The following ATP2B2 variants were observed in gnomAD, a reference collection of about 807,000 sequenced individuals.
ATP2B2 encodes the protein ATPase plasma membrane Ca2+ transporting 2, also known as plasma membrane calcium-transporting ATPase 2.
In ATP2B2, 15 loss-of-function variants were observed where a neutral mutation model predicts 120.0. That is an observed-to-expected ratio of 0.12 (90% CI 0.08 to 0.19). ATP2B2 has a LOEUF of 0.19. ATP2B2 is among the 10% of genes least tolerant of loss of function. ATP2B2 has a pLI of 1.00. For synonymous variants in ATP2B2, 694 were observed against 700.3 expected (o/e 0.99, Z 0.14); for missense variants, 1,045 against 1,719.8 (o/e 0.61, Z 6.94).
At chr3:10,513,288 C>T (rs1225821953) in intron 3 of ATP2B2, among the ~76,000 whole-genome samples, 1 of 152,004 alleles carries the variant, frequency 6.6e-6, no homozygotes, top group Admixed American at 6.6e-5. Flanking sequence ...GGCAGTGTTG[C>T]CGACAAAGGG....
intron 1 of ATP2B2, among the ~76,000 whole-genome samples, chr3:10,457,557 CGT>C (rs751958093): frequency 5.6e-4 from 28 of 49,910 alleles, no homozygotes; most frequent in South Asian, 1.2e-3. Flanking sequence ...CATGAGTGTG[CGT>C]GTGTGTGTGT....
At chr3:10,631,923 A>G (rs990930512) in intron 1 of ATP2B2, among the ~76,000 whole-genome samples, 4 of 152,240 alleles carry the variant, frequency 2.6e-5, no homozygotes, top group Non-Finnish European at 5.9e-5. Flanking sequence ...AGTTGCTACC[A>G]AAGATGAACT....
chr3:10,451,122 T>C (rs1004436220), intron 1 of ATP2B2, among the ~76,000 whole-genome samples: 10 of 152,320 alleles, frequency 6.6e-5, no homozygotes, highest in Admixed American at 2.0e-4. Context: ...AGCCGGGAAC[T>C]TGAAGCTCAG....
rs1390532225 is a variant in ATP2B2 at position 10,635,585 on chromosome 3, G to C, written c.-459-15624C>G. Among the ~76,000 whole-genome samples the C allele has an allele frequency of 6.6e-6, 1 of 152,156 alleles. No homozygotes were observed. On this transcript the variant is annotated intron_variant, in intron 1 of 21. Coordinates refer to the ATP2B2 transcript ENST00000646379. This position sits in a 1 kb window ranked among gnomAD's most constrained non-coding sequence, Gnocchi z 4.3. ...CAGGGGGAGACAAGAATCAGAAGCA[G>C]CTGCCTAGAATGATCTGCCACAATT...
In ATP2B2 at chr3:10,676,341, G is replaced by C. The variant is rs2071243276; in HGVS notation, c.-460+31574C>G. On this transcript the variant is annotated intron_variant, in intron 1 of 21. Transcript: ENST00000646379. ...GGGATGGGGTGCCACTGAGCCTTGAGGAACTCTGTGGCCACCCACAGTGGT... is the reference window on the plus strand; with the variant it reads ...GGGATGGGGTGCCACTGAGCCTTGACGAACTCTGTGGCCACCCACAGTGGT... 2.0e-5 allele frequency among the ~76,000 whole-genome samples: 3 copies of C among 152,150 alleles called. No homozygotes were observed. The South Asian group carries it at 6.2e-4, about 32-fold the overall frequency.
chr3:10,623,646 C>T (rs2069612772), intron 1 of ATP2B2, among the ~76,000 whole-genome samples: 1 of 152,118 alleles, frequency 6.6e-6, no homozygotes, highest in African/African-American at 2.4e-5. Context: ...GAAGGTCTCT[C>T]TAGGAAAACT....
At chr3:10,523,332 C>A (rs2125458727) in intron 3 of ATP2B2, among the ~76,000 whole-genome samples, 1 of 152,300 alleles carries the variant, frequency 6.6e-6, no homozygotes, top group South Asian at 2.1e-4. Flanking sequence ...AAGCTTTTAA[C>A]TTTCTATTAA....
At position 10,388,406 on chromosome 3, in the gene ATP2B2, G is replaced by A. The variant is rs1307990593; in HGVS notation, c.782-4C>T. 1 of 1,614,012 alleles carries A rather than the reference G, an allele frequency of 6.2e-7. No homozygotes were observed. The highest frequency in any genetic ancestry group is 1.3e-5 in the African/African-American group (1 of 74,902). ...GAGCCCTCCATCACGTGGGTTCCTG[G>A]GAAAGGGGACAAAAGCCAAGTTACC... is the stretch of plus-strand genomic sequence containing the variant. On this transcript the variant is annotated splice_region_variant and splice_polypyrimidine_tract_variant and intron_variant, in intron 5 of 22. Coordinates refer to ENST00000360273, the MANE Select transcript of ATP2B2 (RefSeq NM_001001331.4).
At chr3:10,702,110 G>A (rs1429293857) in intron 1 of ATP2B2, among the ~76,000 whole-genome samples, 2 of 152,240 alleles carry the variant, frequency 1.3e-5, no homozygotes, top group Non-Finnish European at 2.9e-5. Context: ...CCGCTACCCA[G>A]AGTGGCTACC....
chr3:10,648,962 T>C (rs368189952), intron 1 of ATP2B2, among the ~76,000 whole-genome samples: 4 of 152,264 alleles, frequency 2.6e-5, no homozygotes, highest in East Asian at 3.8e-4. Context: ...GAGATGACCA[T>C]GACCATGTTG....
At position 10,449,362 on chromosome 3, in the gene ATP2B2, T is replaced by C. The variant is rs772521297; in HGVS notation, c.182A>G (p.Lys61Arg). The change falls in exon 2 of 23, where the codon AAA becomes AGA. Residue 61 changes from lysine (K) to arginine (R), a missense_variant. Around this residue, in one of 11 missense-constraint regions of ATP2B2, gnomAD observed 139 missense variants for 134.2 expected, o/e 1.04. Coordinates refer to ENST00000360273, the MANE Select transcript of ATP2B2 (RefSeq NM_001001331.4). ...ACACTTACCTTCAACAGGTGAGGTT[T>C]TGAGGCGCCGGCAGATGGCTTCGGT... is the stretch of plus-strand genomic sequence containing the variant. ...GDTEAICRRL[K>R]TSPVEGLPGT... is the part of the protein sequence containing the mutation. 26 of 1,614,098 alleles carry C rather than the reference T, an allele frequency of 1.6e-5. 2 individuals carry two copies. In the East Asian group the frequency reaches 3.1e-4, roughly 19 times the overall value.
chr3:10,658,101 C>T (rs1307652214), intron 1 of ATP2B2, among the ~76,000 whole-genome samples: 1 of 152,222 alleles, frequency 6.6e-6, no homozygotes, highest in Non-Finnish European at 1.5e-5. Context: ...ATCTGTACGT[C>T]ACCATCATCA....
intron 5 of ATP2B2, among the ~76,000 whole-genome samples, chr3:10,395,746 T>TA (rs1465521023): frequency 6.6e-6 from 1 of 152,184 alleles, no homozygotes; most frequent in Non-Finnish European, 1.5e-5. Flanking sequence ...TGCCAATACT[T>TA]AAACATTGAG....
intron 12 of ATP2B2, among the ~76,000 whole-genome samples, chr3:10,361,479 T>G (rs2060897532): frequency 6.6e-6 from 1 of 152,178 alleles, no homozygotes; most frequent in Non-Finnish European, 1.5e-5. Context: ...CTTCACACAT[T>G]AGACACACAG....
At chr3:10,680,102 T>C (rs573429515) in intron 1 of ATP2B2, among the ~76,000 whole-genome samples, 8 of 152,304 alleles carry the variant, frequency 5.3e-5, no homozygotes, top group African/African-American at 1.9e-4. Context: ...ATGGTGTTGG[T>C]TACATTGTTC....
chr3:10,410,916 G>GCT, intron 2 of ATP2B2, 101 bp from the exon 3 acceptor site: 3 of 1,414,484 alleles, frequency 2.1e-6, no homozygotes, highest in Non-Finnish European at 2.9e-6. Context: ...CAAGAAACTT[G>GCT]CTGGTGGCTG....
chr3:10,499,418 C>T (rs752798499), intron 1 of ATP2B2, among the ~76,000 whole-genome samples: 13 of 152,164 alleles, frequency 8.5e-5, no homozygotes, highest in Non-Finnish European at 1.0e-4. Context: ...CACACACAAC[C>T]GAACGCACAT....
At chr3:10,415,442 C>G (rs372108534) in intron 2 of ATP2B2, among the ~76,000 whole-genome samples, 186 of 152,252 alleles carry the variant, frequency 1.2e-3, no homozygotes, top group African/African-American at 4.3e-3. Context: ...TGCAGACAAG[C>G]CACTTCTCTT....
intron 1 of ATP2B2, among the ~76,000 whole-genome samples, chr3:10,646,912 G>A (rs893577285): frequency 6.6e-6 from 1 of 152,328 alleles, no homozygotes; most frequent in East Asian, 1.9e-4. Context: ...AACATGTGGG[G>A]CGTTACATAA....
Sources: gnomAD v4.1 joint callset for allele counts (sites outside exome capture counted in the v4.1 genomes callset) on GRCh38, gnomAD v4.1.1 for gene constraint, gnomAD v4.1.1 regional missense constraint, Gnocchi (gnomAD v3.1) non-coding constraint, MANE v1.5 for transcripts, NCBI Gene and HGNC (gene_info 2026-07-23, HGNC 2026-07-21) for gene names.